Variants in MCU observed in about 807,000 individuals in gnomAD.
The protein encoded by MCU is mitochondrial calcium uniporter.
MCU carries 12 observed loss-of-function variants against 45.2 expected under a neutral mutation model. The observed-to-expected ratio is 0.27, with a 90% CI of 0.17 to 0.43. The LOEUF (loss-of-function observed/expected upper bound fraction) is 0.43, where lower values mean the gene tolerates loss of function less well. MCU is among the 20% of genes least tolerant of loss of function. The pLI is 1.00. For missense variants in MCU, 324 were observed against 436.7 expected (o/e 0.74, Z 2.30); for synonymous variants, 160 against 165.1 (o/e 0.97, Z 0.24).
At chr10:72,869,979 G>A (rs1006291371) in intron 5 of MCU, among the ~76,000 whole-genome samples, 9 of 151,990 alleles carry the variant, frequency 5.9e-5, no homozygotes, top group African/African-American at 1.9e-4. Context: ...ATACCTATAC[G>A]CATTTATATA....
intron 1 of MCU, among the ~76,000 whole-genome samples, chr10:72,756,212 C>T (rs7901940): frequency 0.052 from 7,909 of 152,080 alleles, 694 homozygotes; most frequent in African/African-American, 0.18. Context: ...GTCTTGAACT[C>T]GTGAGCTCAA....
intron 1 of MCU, among the ~76,000 whole-genome samples, chr10:72,723,565 C>A (rs998036598): frequency 6.6e-6 from 1 of 152,072 alleles, no homozygotes; most frequent in African/African-American, 2.4e-5. Flanking sequence ...CAACATAAAA[C>A]CATATAACTT....
At position 72,704,704 on chromosome 10, in the gene MCU, A is replaced by ACTTT. The variant is rs1435890480; in HGVS notation, c.150+12403_150+12404insCTTT. 1.0e-4 allele frequency among the ~76,000 whole-genome samples: 11 copies of ACTTT among 106,744 alleles called. 1 individual carries two copies. The highest frequency in any genetic ancestry group is 2.2e-4 in the African/African-American group (5 of 22,774). The allele number at this position is 106,744 out of a possible 152,430, so 70.0% of individuals were successfully genotyped here. ...AGGCATGCACTGTCATGCCTGGATA[A>ACTTT]TTTTTTTTTTTTTTTTTTTTTTTTT... On this transcript the variant is annotated intron_variant, in intron 1 of 7. Coordinates refer to ENST00000373053, the MANE Select transcript of MCU (RefSeq NM_138357.3).
chr10:72,865,755 G>GTGGTTTTGTTTT (rs1845442420), intron 4 of MCU, among the ~76,000 whole-genome samples: 1 of 148,914 alleles, frequency 6.7e-6, no homozygotes, highest in Non-Finnish European at 1.5e-5. Flanking sequence ...CCCAGGCTGT[G>GTGGTTTTGTTTT]TGGTTTTGTT....
intron 1 of MCU, chr10:72,730,419 G>A (rs956351552): frequency 4.6e-5 from 7 of 151,318 alleles, no homozygotes; most frequent in African/African-American, 1.7e-4. Flanking sequence ...CTCCCGGGTA[G>A]CTGGGATTAC....
At chr10:72,884,081 T>G (rs1176612510) in intron 6 of MCU, among the ~76,000 whole-genome samples, 185 bp from the exon 7 acceptor site, 1 of 152,222 alleles carries the variant, frequency 6.6e-6, no homozygotes, top group Non-Finnish European at 1.5e-5. Context: ...TTCACTGTGA[T>G]GTACATTTTG....
chr10:72,839,114 C>A (rs1199891836), intron 2 of MCU, among the ~76,000 whole-genome samples: 1 of 152,030 alleles, frequency 6.6e-6, no homozygotes, highest in Non-Finnish European at 1.5e-5. Flanking sequence ...CTCAGCCTCC[C>A]TAGCAGCTGG....
intron 2 of MCU, among the ~76,000 whole-genome samples, chr10:72,857,573 G>C (rs1845313043): frequency 6.6e-6 from 1 of 152,068 alleles, no homozygotes; most frequent in Admixed American, 6.6e-5. Flanking sequence ...GTGAGGCTCA[G>C]AGAAGTTATA....
intron 1 of MCU, among the ~76,000 whole-genome samples, chr10:72,709,309 A>T (rs1023403872): frequency 6.6e-5 from 10 of 152,214 alleles, no homozygotes; most frequent in Non-Finnish European, 1.3e-4. Flanking sequence ...TGTGATAAAA[A>T]CCTATTTTTC....
At chr10:72,704,931 G>A (rs1842801584) in intron 1 of MCU, among the ~76,000 whole-genome samples, 1 of 151,922 alleles carries the variant, frequency 6.6e-6, no homozygotes, top group African/African-American at 2.4e-5. Flanking sequence ...ATGTTGGCCA[G>A]GCTGATCTTG....
chr10:72,885,750 A>T lies in MCU; in HGVS notation c.984A>T (p.Glu328Asp). 6.2e-7 allele frequency: 1 copy of T among 1,612,460 alleles called. No individual in the cohort carries two copies. The highest frequency in any genetic ancestry group is 8.5e-7 in the Non-Finnish European group (1 of 1,178,790). The change falls in exon 8 of 8, where the codon GAA becomes GAT. Residue 328 changes from glutamate to aspartate, a missense_variant. Transcript: ENST00000373053. ...ACCTTTTGTTTCTATTTTAGGCAGA[A>T]ATGGACCTTAAGAGACTGAGAGACC... is the stretch of plus-strand genomic sequence containing the variant. ...NQLKDAIAQA[E>D]MDLKRLRDPL...
chr10:72,883,765 A>C (rs767041817), intron 6 of MCU, among the ~76,000 whole-genome samples: 2 of 152,222 alleles, frequency 1.3e-5, no homozygotes, highest in Non-Finnish European at 2.9e-5. Context: ...GCAGCTACAC[A>C]CAAAAGGTGA....
At chr10:72,699,174 A>G (rs560601346) in intron 1 of MCU, among the ~76,000 whole-genome samples, 1 of 152,254 alleles carries the variant, frequency 6.6e-6, no homozygotes, top group East Asian at 1.9e-4. Context: ...CATGTTAGGA[A>G]AACTAAGATG....
At chr10:72,883,385 A>G (rs1043363981) in intron 6 of MCU, among the ~76,000 whole-genome samples, 1 of 152,228 alleles carries the variant, frequency 6.6e-6, no homozygotes, top group African/African-American at 2.4e-5. Context: ...TTATATCTCA[A>G]TAAAGCTTTT....
intron 5 of MCU, among the ~76,000 whole-genome samples, chr10:72,869,719 C>T (rs1466490747): frequency 6.6e-6 from 1 of 152,092 alleles, no homozygotes; most frequent in African/African-American, 2.4e-5. Context: ...TGATTTAAAA[C>T]ATATGGGAGG....
intron 1 of MCU, among the ~76,000 whole-genome samples, chr10:72,794,232 G>A (rs1844210832): frequency 6.6e-6 from 1 of 152,178 alleles, no homozygotes; most frequent in Admixed American, 6.5e-5. Context: ...AAAGAGGTAA[G>A]TTATCTGCCC....
chr10:72,770,449 A>G (rs6480640), intron 1 of MCU, among the ~76,000 whole-genome samples: 95,060 of 151,848 alleles, frequency 0.63, 31,276 homozygotes, highest in African/African-American at 0.72. Flanking sequence ...GCTCCAATTT[A>G]TCTCTATTTC....
At chr10:72,703,613 A>G (rs1842784033) in intron 1 of MCU, among the ~76,000 whole-genome samples, 1 of 152,196 alleles carries the variant, frequency 6.6e-6, no homozygotes, top group Non-Finnish European at 1.5e-5. Flanking sequence ...ACATAAAACT[A>G]AAGAAAAGTG....
chr10:72,862,544 C>T (rs1845394855), intron 4 of MCU, among the ~76,000 whole-genome samples: 1 of 152,150 alleles, frequency 6.6e-6, no homozygotes. Context: ...AGCGCACAAC[C>T]TAGATCCCTC....
Sources: allele counts gnomAD v4.1 joint callset (sites outside exome capture counted in the v4.1 genomes callset), GRCh38; gene constraint gnomAD v4.1.1; transcripts MANE v1.5; gene names NCBI Gene and HGNC (gene_info 2026-07-23, HGNC 2026-07-21).